SPSB1: variants seen among roughly 807,000 people sequenced by gnomAD.
The protein encoded by SPSB1 is SPRY domain-containing SOCS box protein 1.
Under a neutral mutation model 21.2 loss-of-function variants are expected in SPSB1, and 8 were observed. The ratio of observed to expected loss-of-function variants is 0.38; its 90% CI spans 0.22 to 0.68. The LOEUF is 0.68. Among genes scored for constraint, SPSB1 ranks in the 30% least tolerant of loss-of-function variants. SPSB1 has a pLI of 0.53. For missense variants in SPSB1, 242 were observed against 377.8 expected, an observed-to-expected ratio of 0.64 and a Z score of 2.98; for synonymous variants, 169 against 161.7, an observed-to-expected ratio of 1.05 and a Z score of -0.34.
intron 1 of SPSB1, among the ~76,000 whole-genome samples, chr1:9,335,361 G>T (rs1000958089): frequency 6.6e-6 from 1 of 152,020 alleles, no homozygotes; most frequent in African/African-American, 2.4e-5. Flanking sequence ...AATTAACCAG[G>T]TGTGGTGGTG....
rs1194386713 is a variant in SPSB1 at position 9,305,855 on chromosome 1, A to G, written c.-150+12784A>G. Among the ~76,000 whole-genome samples the G allele has an allele frequency of 6.6e-6, 1 of 152,148 alleles. No individual in the cohort carries two copies. The highest frequency in any genetic ancestry group is 1.5e-5 in the Non-Finnish European group (1 of 68,034). ...TGAGACAGGCCCGTCTCTGCTGATG[A>G]TAGCGCTCAGGGTATCAGAGGACAC... On this transcript the variant is annotated intron_variant, in intron 1 of 2. Coordinates refer to ENST00000328089, the MANE Select transcript of SPSB1 (RefSeq NM_025106.4). This position sits in a 1 kb window ranked among gnomAD's most constrained non-coding sequence, Gnocchi z 4.8.
At position 9,321,225 on chromosome 1, in the gene SPSB1, A is replaced by G. The variant is rs1383583752; in HGVS notation, c.-150+28154A>G. Among the ~76,000 whole-genome samples the G allele has an allele frequency of 6.6e-6, 1 of 152,084 alleles. No homozygotes were observed. Among genetic ancestry groups the G allele is most frequent in the Non-Finnish European group, 1.5e-5 (1 of 68,020 alleles). ...AGGCGTCTCAGGCGGTGGGCCTTAA[A>G]CATTTACATTCTTGGGGCTTAGCTG... is the stretch of plus-strand genomic sequence containing the variant. On this transcript the variant is annotated intron_variant, in intron 1 of 2. Transcript: ENST00000328089. The surrounding 1 kb of genome is among the most constrained non-coding windows in gnomAD (Gnocchi z 4.8).
chr1:9,325,200 G>A (rs1639795549), intron 1 of SPSB1, among the ~76,000 whole-genome samples: 1 of 147,050 alleles, frequency 6.8e-6, no homozygotes, highest in South Asian at 2.2e-4. Context: ...CCGCCCTCCG[G>A]CCTGAGCCAA....
Position 9,345,085 on chromosome 1 carries a change from T to C in SPSB1, c.-149-10658T>C, listed in dbSNP as rs1640149794. Among the ~76,000 whole-genome samples, 1 of 152,208 alleles carries C rather than the reference T, an allele frequency of 6.6e-6. No homozygotes were observed. The highest frequency in any genetic ancestry group is 2.1e-4 in the South Asian group (1 of 4,828). ...CTCTTCCTCTCAGGCCAGGCAGCCCTGAACTCTGGAGTCCCACAGGAGGCT... is the reference window on the plus strand; with the variant it reads ...CTCTTCCTCTCAGGCCAGGCAGCCCCGAACTCTGGAGTCCCACAGGAGGCT... On this transcript the variant is annotated intron_variant, in intron 1 of 2. Transcript: ENST00000328089. This position sits in a 1 kb window ranked among gnomAD's most constrained non-coding sequence, Gnocchi z 4.8.
chr1:9,326,365 C>T (rs563242667), intron 1 of SPSB1, among the ~76,000 whole-genome samples: 2 of 152,322 alleles, frequency 1.3e-5, no homozygotes, highest in East Asian at 3.9e-4. Flanking sequence ...CCCGTGGAAG[C>T]TCTTGGAGTC....
rs988295752 is a variant in SPSB1, at chr1:9,321,406, T to C, written c.-150+28335T>C. Among the ~76,000 whole-genome samples, 1 of 152,180 alleles carries C rather than the reference T, an allele frequency of 6.6e-6. No homozygotes were observed. The highest frequency in any genetic ancestry group is 2.1e-4 in the South Asian group (1 of 4,810). Reference sequence around the variant, plus strand: ...GGGCCCATTCTTGGGAGAGAGCGGATCCTGTGTGATTTTACGGAACTTGTC... The same window carrying C: ...GGGCCCATTCTTGGGAGAGAGCGGACCCTGTGTGATTTTACGGAACTTGTC... On this transcript the variant is annotated intron_variant, in intron 1 of 2. Transcript: ENST00000328089. This position sits in a 1 kb window ranked among gnomAD's most constrained non-coding sequence, Gnocchi z 4.8.
intron 1 of SPSB1, among the ~76,000 whole-genome samples, chr1:9,347,114 T>TC (rs1334855750): frequency 1.3e-5 from 2 of 152,172 alleles, no homozygotes; most frequent in Non-Finnish European, 2.9e-5. Context: ...GCCTCGTAGT[T>TC]AAGAGAGCAG....
At chr1:9,341,592 A>G (rs1452927312) in intron 1 of SPSB1, among the ~76,000 whole-genome samples, 2 of 152,318 alleles carry the variant, frequency 1.3e-5, no homozygotes, top group East Asian at 3.9e-4. Flanking sequence ...TGCCGGTGAC[A>G]TCTTGTCCAT....
chr1:9,296,571 A>G (rs1570164928), intron 1 of SPSB1, among the ~76,000 whole-genome samples: 1 of 76,338 alleles, frequency 1.3e-5, no homozygotes, highest in African/African-American at 3.9e-5. Flanking sequence ...ACTTATGCTC[A>G]CAGAAGATGT....
intron 1 of SPSB1, among the ~76,000 whole-genome samples, chr1:9,351,833 G>A (rs964137807): frequency 2.6e-5 from 4 of 152,222 alleles, no homozygotes; most frequent in Admixed American, 6.5e-5. Context: ...GGCCACCACA[G>A]TGATTGACCA....
At chr1:9,325,219 A>ACC (rs1639796305) in intron 1 of SPSB1, among the ~76,000 whole-genome samples, 14 of 26,206 alleles carry the variant, frequency 5.3e-4, no homozygotes, top group East Asian at 1.8e-3. Flanking sequence ...AATGCCTCCC[A>ACC]CCACCACCCC....
chr1:9,366,988 A>G (rs964816696), intron 2 of SPSB1, among the ~76,000 whole-genome samples: 23 of 152,220 alleles, frequency 1.5e-4, no homozygotes, highest in Non-Finnish European at 2.9e-5. Flanking sequence ...GCTGGCTCCC[A>G]TGTGTTCCGA....
chr1:9,341,963 A>G (rs1019947403), intron 1 of SPSB1, among the ~76,000 whole-genome samples: 3 of 152,132 alleles, frequency 2.0e-5, no homozygotes, highest in African/African-American at 7.2e-5. Flanking sequence ...CAGGGTCCCA[A>G]AGTGCTGGGA....
chr1:9,335,773 A>G (rs1639994367), intron 1 of SPSB1, among the ~76,000 whole-genome samples: 1 of 152,170 alleles, frequency 6.6e-6, no homozygotes, highest in South Asian at 2.1e-4. Context: ...GTGCCACTGC[A>G]CTCCAGCCTG....
chr1:9,332,874 C>G (rs1639945233), intron 1 of SPSB1, among the ~76,000 whole-genome samples: 1 of 152,228 alleles, frequency 6.6e-6, no homozygotes, highest in South Asian at 2.1e-4. Flanking sequence ...CTTGCTGCTT[C>G]TGCAGCCTGA....
chr1:9,359,538 T>C (rs773812173), intron 2 of SPSB1, among the ~76,000 whole-genome samples: 6 of 151,664 alleles, frequency 4.0e-5, no homozygotes, highest in Non-Finnish European at 7.4e-5. Context: ...CCCATTTCTA[T>C]TAAAAATGCA....
rs536210641 is a variant in SPSB1, at chr1:9,311,333, CT to C, written c.-150+18263del. On this transcript the variant is annotated intron_variant, in intron 1 of 2. Transcript: ENST00000328089. ...CATGACTGGGGTTTCTTTCTTCCCC[CT>C]GATGGGTCTCGGCGTGGCTGAGGTT... 4.9e-3 allele frequency among the ~76,000 whole-genome samples: 740 copies of C among 152,160 alleles called. 5 individuals are homozygous for C. The highest frequency in any genetic ancestry group is 8.2e-3 in the Non-Finnish European group (555 of 68,014).
intron 1 of SPSB1, among the ~76,000 whole-genome samples, chr1:9,306,276 G>A (rs1415949981): frequency 6.6e-6 from 1 of 152,240 alleles, no homozygotes; most frequent in East Asian, 1.9e-4. Flanking sequence ...TGCAGCAGTC[G>A]GCTTTTCTGC....
At chr1:9,328,252 A>G (rs1176863108) in intron 1 of SPSB1, among the ~76,000 whole-genome samples, 2 of 152,234 alleles carry the variant, frequency 1.3e-5, no homozygotes, top group African/African-American at 4.8e-5. Flanking sequence ...AGCTGAGCCC[A>G]AAGACATTCG....
Sources: allele counts gnomAD v4.1 joint callset (sites outside exome capture counted in the v4.1 genomes callset), GRCh38; gene constraint gnomAD v4.1.1; non-coding constraint Gnocchi (gnomAD v3.1); transcripts MANE v1.5; gene names NCBI Gene and HGNC (gene_info 2026-07-23, HGNC 2026-07-21).